Variants in MAGI2 observed in about 807,000 individuals in gnomAD.
The protein encoded by MAGI2 is membrane associated guanylate kinase, WW and PDZ domain containing 2.
MAGI2 carries 35 observed loss-of-function variants against 133.3 expected under a neutral mutation model. The ratio of observed to expected loss-of-function variants is 0.26; its 90% CI spans 0.20 to 0.35. MAGI2 has a LOEUF of 0.35. MAGI2 is among the 10% of genes least tolerant of loss of function. MAGI2 has a pLI of 1.00. For synonymous variants in MAGI2, 729 were observed against 710.6 expected (o/e 1.03, Z -0.41); for missense variants, 1,636 against 1,863.4 (o/e 0.88, Z 2.25).
At chr7:78,660,030 C>A (rs557769302) in intron 2 of MAGI2, among the ~76,000 whole-genome samples, 34 of 151,776 alleles carry the variant, frequency 2.2e-4, no homozygotes, top group Admixed American at 6.6e-4. Context: ...GGACAAAAAA[C>A]CAAACACTGC....
intron 5 of MAGI2, among the ~76,000 whole-genome samples, chr7:78,490,288 C>T (rs944012043): frequency 1.3e-5 from 2 of 151,994 alleles, no homozygotes; most frequent in East Asian, 3.9e-4. Flanking sequence ...AGAGGCAGTA[C>T]AAAAGTGATG....
intron 2 of MAGI2, among the ~76,000 whole-genome samples, chr7:78,853,640 G>A (rs2151485116): frequency 6.6e-6 from 1 of 152,162 alleles, no homozygotes; most frequent in African/African-American, 2.4e-5. Context: ...ATGGGCGTAA[G>A]CCACCATGTC....
At chr7:78,135,259 T>C (rs910723911) in intron 16 of MAGI2, 53 bp from the exon 17 acceptor site, 2 of 1,421,008 alleles carry the variant, frequency 1.4e-6, no homozygotes, top group Non-Finnish European at 2.0e-6. Flanking sequence ...ATACATGTTC[T>C]TTCAGTCCCA....
chr7:78,531,135 C>T (rs1305092870), intron 3 of MAGI2, among the ~76,000 whole-genome samples: 1 of 151,782 alleles, frequency 6.6e-6, no homozygotes, highest in Non-Finnish European at 1.5e-5. Context: ...AGTATAATTC[C>T]AGTTAGTAAC....
chr7:78,328,270 T>C (rs543509784), intron 9 of MAGI2, among the ~76,000 whole-genome samples: 87 of 152,192 alleles, frequency 5.7e-4, no homozygotes, highest in Non-Finnish European at 9.1e-4. Context: ...ATGAAAACAC[T>C]GAAAACAATT....
intron 2 of MAGI2, among the ~76,000 whole-genome samples, chr7:78,792,029 G>A (rs913264250): frequency 4.6e-5 from 7 of 151,994 alleles, no homozygotes; most frequent in Admixed American, 6.6e-5. Context: ...ATCACTTCAC[G>A]GACAGATTTT....
chr7:78,860,688 G>A (rs1437252759), intron 2 of MAGI2, among the ~76,000 whole-genome samples: 9 of 152,162 alleles, frequency 5.9e-5, no homozygotes, highest in Non-Finnish European at 2.9e-5. Flanking sequence ...GCTACTCAGG[G>A]TTCTGGCACC....
At chr7:79,342,741 T>TTATG in intron 1 of MAGI2, among the ~76,000 whole-genome samples, 1 of 151,888 alleles carries the variant, frequency 6.6e-6, no homozygotes, top group Non-Finnish European at 1.5e-5. Flanking sequence ...TTATCTTATT[T>TTATG]TATTTATTTA....
chr7:78,256,220 A>G lies in MAGI2; in HGVS notation c.1770T>C (p.Asn590=). The part of the protein sequence containing the change: ...GTYPPPVHDD[N]VSMASSGATQ... ...TGGCCCCAGATGAAGCCATAGACAC[A>G]TTGTCATCATGGACGGGCGGTGGAT... The change falls in exon 10 of 22, where the codon AAT becomes AAC. Residue 590 remains asparagine (N), a synonymous_variant. Coordinates refer to ENST00000354212, the MANE Select transcript of MAGI2 (RefSeq NM_012301.4). 5 of 1,614,026 alleles carry G rather than the reference A, an allele frequency of 3.1e-6. No individual in the cohort carries two copies. The highest frequency in any genetic ancestry group is 4.2e-6 in the Non-Finnish European group (5 of 1,179,994).
At chr7:79,042,882 T>C (rs1255758255) in intron 1 of MAGI2, among the ~76,000 whole-genome samples, 1 of 151,992 alleles carries the variant, frequency 6.6e-6, no homozygotes, top group Non-Finnish European at 1.5e-5. Flanking sequence ...ATATCAACCA[T>C]GCTCTTGGAC....
At chr7:78,512,678 A>G (rs563337558) in intron 4 of MAGI2, among the ~76,000 whole-genome samples, 7 of 152,328 alleles carry the variant, frequency 4.6e-5, no homozygotes, top group African/African-American at 1.7e-4. Context: ...TATATGTAAC[A>G]TTTATAAGCA....
chr7:78,403,156 C>T (rs573298973), intron 6 of MAGI2, among the ~76,000 whole-genome samples: 9 of 152,260 alleles, frequency 5.9e-5, no homozygotes, highest in African/African-American at 1.9e-4. Context: ...CTCCCTCCCC[C>T]CATCCCATGA....
chr7:78,474,207 T>C (rs1791516610), intron 6 of MAGI2, among the ~76,000 whole-genome samples: 1 of 152,070 alleles, frequency 6.6e-6, no homozygotes, highest in Non-Finnish European at 1.5e-5. Flanking sequence ...TATCTCTATT[T>C]ATATGCAAGT....
intron 2 of MAGI2, among the ~76,000 whole-genome samples, chr7:78,848,022 C>A (rs1792776761): frequency 6.6e-6 from 1 of 151,932 alleles, no homozygotes. Flanking sequence ...AAAATGATGT[C>A]ATCTAGGTGA....
At chr7:79,297,416 ACAGT>A (rs1198328481) in intron 1 of MAGI2, among the ~76,000 whole-genome samples, 10 of 152,192 alleles carry the variant, frequency 6.6e-5, no homozygotes, top group Admixed American at 6.5e-4. Context: ...AAGAATTCAC[ACAGT>A]CATTTACAGG....
chr7:78,574,521 A>G (rs1802063667), intron 3 of MAGI2, among the ~76,000 whole-genome samples: 1 of 152,246 alleles, frequency 6.6e-6, no homozygotes, highest in Admixed American at 6.5e-5. Flanking sequence ...ATAATTTTAG[A>G]TACAATTGCC....
chr7:78,654,871 A>G (rs966895575), intron 2 of MAGI2, among the ~76,000 whole-genome samples: 9 of 151,582 alleles, frequency 5.9e-5, no homozygotes, highest in Non-Finnish European at 1.2e-4. Flanking sequence ...AGGGTTTCAC[A>G]TAAATACCAA....
At chr7:78,822,763 T>C (rs1490062791) in intron 2 of MAGI2, among the ~76,000 whole-genome samples, 1 of 152,174 alleles carries the variant, frequency 6.6e-6, no homozygotes, top group African/African-American at 2.4e-5. Flanking sequence ...ACAAAAGCTA[T>C]TAAAATCAGA....
intron 2 of MAGI2, among the ~76,000 whole-genome samples, chr7:79,006,381 G>T (rs1268875154): frequency 6.6e-6 from 1 of 152,078 alleles, no homozygotes; most frequent in Non-Finnish European, 1.5e-5. Flanking sequence ...ATGGATTTTT[G>T]ATATCAATCT....
Sources: gnomAD v4.1 joint callset for allele counts (sites outside exome capture counted in the v4.1 genomes callset) on GRCh38, gnomAD v4.1.1 for gene constraint, MANE v1.5 for transcripts, NCBI Gene and HGNC (gene_info 2026-07-23, HGNC 2026-07-21) for gene names.